MMP20: variants seen among roughly 807,000 people sequenced by gnomAD.
The protein encoded by MMP20 is matrix metallopeptidase 20.
MMP20 carries 50 observed loss-of-function variants against 51.8 expected under a neutral mutation model. That is an observed-to-expected ratio of 0.97 (90% CI 0.77 to 1.22). The LOEUF is 1.22. Ranked by LOEUF, MMP20 falls within the 50% of genes most tolerant of loss-of-function variation. MMP20 has a pLI of 0.00. For synonymous variants in MMP20, 244 were observed against 216.2 expected, an observed-to-expected ratio of 1.13 and a Z score of -1.13; for missense variants, 663 against 601.4, an observed-to-expected ratio of 1.10 and a Z score of -1.07.
At chr11:102,610,054 A>G (rs780410583) in intron 3 of MMP20, 24 bp from the exon 4 acceptor site, 8 of 1,613,726 alleles carry the variant, frequency 5.0e-6, no homozygotes, top group Non-Finnish European at 6.8e-6. Context: ...GAGAAAGGCC[A>G]ACAAGATTGA....
chr11:102,608,871 C>T lies in MMP20; in HGVS notation c.811+66G>A, dbSNP rs886240885. On this transcript the variant is annotated intron_variant, in intron 5 of 9. Transcript: ENST00000260228. ...TACCAATGCAGATAAAATGCACTTT[C>T]TTTAATTCGGAGACTGAATGCCTGC... The T allele has an allele frequency of 5.6e-5, 86 of 1,533,212 alleles. No homozygotes were observed. The Middle Eastern group carries it at 6.0e-4, about 11-fold the overall frequency. 95.0% of individuals were successfully genotyped at this position (1,533,212 alleles called of 1,614,324 possible).
intron 6 of MMP20, among the ~76,000 whole-genome samples, chr11:102,604,029 T>A (rs989152204): frequency 1.3e-5 from 2 of 152,106 alleles, no homozygotes; most frequent in Non-Finnish European, 2.9e-5. Flanking sequence ...TGTTTTTTTT[T>A]TTTGCTTTTT....
Position 102,579,063 on chromosome 11 carries a change from T to C in MMP20, c.1327A>G (p.Ile443Val). The C allele has an allele frequency of 6.2e-7, 1 of 1,612,538 alleles. No individual in the cohort carries two copies. The highest frequency in any genetic ancestry group is 1.3e-5 in the African/African-American group (1 of 75,032). The change falls in exon 9 of 10, where the codon ATC (isoleucine) becomes GTC (valine). Residue 443 changes from isoleucine (I) to valine (V), a missense_variant. Physicochemically the swap from Ile to Val is conservative, Grantham distance 29. Transcript: ENST00000260228. ...EEEFSGVNGQ[I>V]DAAVELNGYI... Reference sequence around the variant, plus strand: ...CCATTTAATTCTACAGCAGCATCGATTTGGCCATTTACTCCTGAAAATTCT... The same window carrying C: ...CCATTTAATTCTACAGCAGCATCGACTTGGCCATTTACTCCTGAAAATTCT...
Position 102,616,991 on chromosome 11 carries a change from G to A in MMP20, c.195C>T (p.Ser65=). 1.2e-6 allele frequency: 2 copies of A among 1,614,124 alleles called. No individual in the cohort carries two copies. The highest frequency in any genetic ancestry group is 1.7e-6 in the Non-Finnish European group (2 of 1,180,034). The part of the protein sequence containing the change: ...HQIGEMVARG[S]NSMIRKIKEL... ...CCTTAATCTTCCTTATCATGGAATT[G>A]CTTCCTCTTGCAACCATCTCACCAA... The change falls in exon 2 of 10, where the codon AGC becomes AGT. Residue 65 remains serine (S), a synonymous_variant. Coordinates refer to ENST00000260228, the MANE Select transcript of MMP20 (RefSeq NM_004771.4).
chr11:102,590,701 C>T (rs1565391127), intron 8 of MMP20, among the ~76,000 whole-genome samples: 1 of 152,188 alleles, frequency 6.6e-6, no homozygotes, highest in East Asian at 1.9e-4. Context: ...CAGTGGATGT[C>T]AATGTAGTGA....
chr11:102,614,722 G>C (rs1392963938), intron 2 of MMP20, among the ~76,000 whole-genome samples: 1 of 151,870 alleles, frequency 6.6e-6, no homozygotes. Flanking sequence ...ATTCATGACT[G>C]TTCCCTGGAT....
rs1859736472 is a variant in MMP20, at chr11:102,620,524, G to A, written c.127-3465C>T. Among the ~76,000 whole-genome samples the A allele has an allele frequency of 3.3e-5, 5 of 151,796 alleles. No homozygotes were observed. The South Asian group carries it at 1.0e-3, about 32-fold the overall frequency. ...CTCATTGTTAAAATTGTAGATTTTTGGGTCAATTATCAGGTGGTCCTCTCT... is the reference window on the plus strand; with the variant it reads ...CTCATTGTTAAAATTGTAGATTTTTAGGTCAATTATCAGGTGGTCCTCTCT... On this transcript the variant is annotated intron_variant, in intron 1 of 9. Transcript: ENST00000260228.
intron 6 of MMP20, among the ~76,000 whole-genome samples, chr11:102,604,782 G>T (rs1055203920): frequency 6.6e-6 from 1 of 152,144 alleles, no homozygotes; most frequent in African/African-American, 2.4e-5. Flanking sequence ...TAAAGGATGA[G>T]AATTAAAATC....
At chr11:102,580,312 C>G (rs1247310207) in intron 8 of MMP20, among the ~76,000 whole-genome samples, 1 of 152,204 alleles carries the variant, frequency 6.6e-6, no homozygotes, top group Non-Finnish European at 1.5e-5. Context: ...TTCATTAGCA[C>G]AGAGTTCCAA....
At chr11:102,618,008 T>C (rs1859696342) in intron 1 of MMP20, among the ~76,000 whole-genome samples, 1 of 152,208 alleles carries the variant, frequency 6.6e-6, no homozygotes. Context: ...GTCTCTGATA[T>C]AAAATGGCAT....
chr11:102,593,372 G>C (rs771216203), intron 8 of MMP20, 67 bp downstream of exon 8: 211 of 1,548,566 alleles, frequency 1.4e-4, no homozygotes, highest in Non-Finnish European at 1.7e-4. Flanking sequence ...TTCGTGGAAG[G>C]GTTTTTATCT....
rs542504685 is a variant in MMP20 at position 102,586,221 on chromosome 11, C to T, written c.1248-7079G>A. 1.6e-3 allele frequency among the ~76,000 whole-genome samples: 239 copies of T among 152,278 alleles called. 1 individual carries two copies. Among genetic ancestry groups the T allele is most frequent in the Admixed American group, 5.0e-3 (76 of 15,294 alleles). On this transcript the variant is annotated intron_variant, in intron 8 of 9. Transcript: ENST00000260228. ...TTGGAGGAGTTTGTAAAAAAATTGA[C>T]ATTAATTCTTCTTTCAATGTATTGG...
intron 8 of MMP20, among the ~76,000 whole-genome samples, chr11:102,588,223 C>T (rs1859275924): frequency 6.6e-6 from 1 of 152,028 alleles, no homozygotes; most frequent in Non-Finnish European, 1.5e-5. Context: ...AAACATTACT[C>T]CTATATAACT....
chr11:102,616,683 G>T, intron 2 of MMP20, 129 bp downstream of exon 2: 1 of 1,245,894 alleles, frequency 8.0e-7, no homozygotes, highest in Non-Finnish European at 1.1e-6. Context: ...GATGTAAAAA[G>T]TTCTTATTCT....
At chr11:102,584,002 T>A (rs1191064800) in intron 8 of MMP20, among the ~76,000 whole-genome samples, 1 of 152,214 alleles carries the variant, frequency 6.6e-6, no homozygotes. Context: ...TGTATGAATT[T>A]ATCACATTTT....
At chr11:102,595,488 T>A (rs1859371127) in intron 6 of MMP20, among the ~76,000 whole-genome samples, 1 of 152,250 alleles carries the variant, frequency 6.6e-6, no homozygotes, top group Non-Finnish European at 1.5e-5. Context: ...CTTACAAAGG[T>A]AACTATGATC....
chr11:102,608,242 A>T (rs772320855), intron 5 of MMP20: 6 of 152,276 alleles, frequency 3.9e-5, no homozygotes, highest in Non-Finnish European at 8.8e-5. Context: ...CCATTAAAGA[A>T]AAATTGTCAA....
intron 1 of MMP20, among the ~76,000 whole-genome samples, chr11:102,617,546 A>C (rs976510135): frequency 3.9e-5 from 6 of 152,188 alleles, no homozygotes; most frequent in African/African-American, 1.4e-4. Flanking sequence ...TAACTCTTAA[A>C]GGCATTGTAT....
At chr11:102,601,451 T>C (rs1261290859) in intron 6 of MMP20, among the ~76,000 whole-genome samples, 1 of 152,184 alleles carries the variant, frequency 6.6e-6, no homozygotes, top group Non-Finnish European at 1.5e-5. Context: ...CTTATCGTTA[T>C]TATTTTCGGA....
Sources: allele counts gnomAD v4.1 joint callset (sites outside exome capture counted in the v4.1 genomes callset), GRCh38; gene constraint gnomAD v4.1.1; transcripts MANE v1.5; gene names NCBI Gene and HGNC (gene_info 2026-07-23, HGNC 2026-07-21).